DPP10: variants seen among roughly 807,000 people sequenced by gnomAD.
The protein encoded by DPP10 is dipeptidyl peptidase like 10, also known as inactive dipeptidyl peptidase 10.
DPP10 carries 33 observed loss-of-function variants against 120.9 expected under a neutral mutation model. The observed-to-expected ratio is 0.27, with a 90% CI of 0.21 to 0.37. DPP10 has a LOEUF of 0.37. Ranked by LOEUF, DPP10 falls within the 10% of genes least tolerant of loss-of-function variation. The pLI, the probability that DPP10 is intolerant of heterozygous loss-of-function variation, is 1.00. For missense variants in DPP10, 816 were observed against 942.8 expected, an observed-to-expected ratio of 0.87 and a Z score of 1.76; for synonymous variants, 337 against 326.1, an observed-to-expected ratio of 1.03 and a Z score of -0.36.
chr2:115,344,084 C>T (rs778803152), intron 3 of DPP10, among the ~76,000 whole-genome samples, 172 bp downstream of exon 3: 30 of 144,778 alleles, frequency 2.1e-4, no homozygotes, highest in Non-Finnish European at 3.4e-4. Flanking sequence ...CGCAGTGAGC[C>T]GAGATCGCAC....
chr2:115,827,904 G>A (rs960945559), intron 21 of DPP10, among the ~76,000 whole-genome samples: 1 of 151,900 alleles, frequency 6.6e-6, no homozygotes, highest in African/African-American at 2.4e-5. Flanking sequence ...GCCTAAAAGT[G>A]AGTTATTTTT....
intron 4 of DPP10, among the ~76,000 whole-genome samples, chr2:115,523,483 T>G (rs2077945031): frequency 1.3e-5 from 2 of 151,530 alleles, no homozygotes; most frequent in South Asian, 4.2e-4. Flanking sequence ...ATTGTCTTGT[T>G]ACGTATGCTT....
At chr2:115,334,735 A>G (rs1286445151) in intron 2 of DPP10, among the ~76,000 whole-genome samples, 1 of 151,984 alleles carries the variant, frequency 6.6e-6, no homozygotes, top group Non-Finnish European at 1.5e-5. Flanking sequence ...CTGAAAGTGA[A>G]TAATGTGAAG....
At position 115,363,546 on chromosome 2, in the gene DPP10, C is replaced by G. The variant is rs181496330; in HGVS notation, c.271+19634C>G. On this transcript the variant is annotated intron_variant, in intron 3 of 25. Coordinates refer to ENST00000410059, the MANE Select transcript of DPP10 (RefSeq NM_020868.6). Reference sequence around the variant, plus strand: ...TGAAATGGGAAGGTTAGTTCTGTGTCTAGGAGACATGGTGCGCAAGTTACT... The same window carrying G: ...TGAAATGGGAAGGTTAGTTCTGTGTGTAGGAGACATGGTGCGCAAGTTACT... Among the ~76,000 whole-genome samples, 401 of 152,296 alleles carry G rather than the reference C, an allele frequency of 2.6e-3. 1 individual carries two copies. The highest frequency in any genetic ancestry group is 0.014 in the Middle Eastern group (4 of 294).
chr2:115,231,192 T>TA (rs570179149), intron 1 of DPP10, among the ~76,000 whole-genome samples: 1 of 151,944 alleles, frequency 6.6e-6, no homozygotes, highest in African/African-American at 2.4e-5. Flanking sequence ...TATTATAGAT[T>TA]AAAAAAATGA....
At chr2:115,023,983 T>A (rs942459754) in intron 1 of DPP10, among the ~76,000 whole-genome samples, 1 of 152,126 alleles carries the variant, frequency 6.6e-6, no homozygotes, top group Non-Finnish European at 1.5e-5. Flanking sequence ...ATAAGACTAA[T>A]ACATCAGATT....
At chr2:115,014,085 T>C (rs1026376136) in intron 1 of DPP10, among the ~76,000 whole-genome samples, 1 of 152,110 alleles carries the variant, frequency 6.6e-6, no homozygotes, top group African/African-American at 2.4e-5. Context: ...ATTGACCACA[T>C]AATTGGAAGT....
chr2:114,971,070 G>A (rs1354285614), intron 1 of DPP10, among the ~76,000 whole-genome samples: 2 of 152,164 alleles, frequency 1.3e-5, no homozygotes, highest in Non-Finnish European at 2.9e-5. Context: ...ATACATACCC[G>A]ATTGAAATAA....
chr2:115,543,195 A>G (rs1040527066), intron 5 of DPP10, among the ~76,000 whole-genome samples: 2 of 152,026 alleles, frequency 1.3e-5, no homozygotes, highest in Non-Finnish European at 2.9e-5. Flanking sequence ...CCAGCAGAGA[A>G]TATCACAGCA....
intron 1 of DPP10, among the ~76,000 whole-genome samples, chr2:114,938,531 C>T (rs1914974): frequency 0.066 from 9,977 of 152,152 alleles, 501 homozygotes; most frequent in East Asian, 0.23. Context: ...ATAGTAGCAG[C>T]TTAGCAAAAA....
intron 1 of DPP10, among the ~76,000 whole-genome samples, chr2:114,669,442 C>A (rs1329807058): frequency 6.6e-6 from 1 of 152,044 alleles, no homozygotes; most frequent in Non-Finnish European, 1.5e-5. Context: ...GCCTTTGGTA[C>A]TGTGGATGGG....
intron 1 of DPP10, among the ~76,000 whole-genome samples, chr2:114,546,422 A>G (rs1278395618): frequency 1.3e-5 from 2 of 152,154 alleles, no homozygotes; most frequent in East Asian, 3.9e-4. Context: ...TCACGAAAAA[A>G]TCATGATCCA....
intron 3 of DPP10, among the ~76,000 whole-genome samples, chr2:115,393,064 G>A (rs2106550708): frequency 6.6e-6 from 1 of 152,126 alleles, no homozygotes; most frequent in East Asian, 1.9e-4. Flanking sequence ...TCTAATCCCA[G>A]CACATTGGGA....
chr2:114,836,627 G>A (rs544478076), intron 1 of DPP10, among the ~76,000 whole-genome samples: 44 of 152,228 alleles, frequency 2.9e-4, no homozygotes, highest in African/African-American at 7.7e-4. Flanking sequence ...ATGAAGTTTC[G>A]GGCACCCATT....
At chr2:115,585,529 AG>A (rs2082235897) in intron 5 of DPP10, among the ~76,000 whole-genome samples, 3 of 152,300 alleles carry the variant, frequency 2.0e-5, no homozygotes, top group Middle Eastern at 6.9e-3. Context: ...TGAATAAAAA[AG>A]GTAAATAAGT....
intron 5 of DPP10, among the ~76,000 whole-genome samples, chr2:115,596,115 T>C (rs2082971953): frequency 6.6e-6 from 1 of 152,176 alleles, no homozygotes; most frequent in South Asian, 2.1e-4. Flanking sequence ...TCTATTTGTT[T>C]AGAGCCTAGA....
At chr2:114,561,675 G>C (rs748224231) in intron 1 of DPP10, among the ~76,000 whole-genome samples, 3 of 151,324 alleles carry the variant, frequency 2.0e-5, no homozygotes, top group Non-Finnish European at 4.4e-5. Context: ...CAATTAGAAG[G>C]AAAAAAATTC....
chr2:115,705,995 A>G (rs372684064), intron 7 of DPP10, among the ~76,000 whole-genome samples: 200 of 147,796 alleles, frequency 1.4e-3, no homozygotes, highest in African/African-American at 4.6e-3. Context: ...AATGGGGGGG[A>G]AAAAAACAGG....
chr2:115,273,626 G>T (rs2059793041), intron 1 of DPP10, among the ~76,000 whole-genome samples: 1 of 152,208 alleles, frequency 6.6e-6, no homozygotes, highest in African/African-American at 2.4e-5. Context: ...GTGAGCCACC[G>T]CGCCCGGCCT....
Sources: gnomAD v4.1 joint callset for allele counts (sites outside exome capture counted in the v4.1 genomes callset) on GRCh38, gnomAD v4.1.1 for gene constraint, MANE v1.5 for transcripts, NCBI Gene and HGNC (gene_info 2026-07-23, HGNC 2026-07-21) for gene names.